TAOK1: variants seen among roughly 807,000 people sequenced by gnomAD.
TAOK1 encodes TAO kinase 1, also known as serine/threonine-protein kinase TAO1.
Under a neutral mutation model 138.3 loss-of-function variants are expected in TAOK1, and 21 were observed. The ratio of observed to expected loss-of-function variants is 0.15; its 90% CI spans 0.11 to 0.22. TAOK1 has a LOEUF of 0.22. TAOK1 is among the 10% of genes least tolerant of loss of function. TAOK1 has a pLI of 1.00. For synonymous variants in TAOK1, 361 were observed against 398.4 expected (o/e 0.91, Z 1.12); for missense variants, 651 against 1,227.7 (o/e 0.53, Z 7.02).
chr17:29,542,397 AT>A (rs1012570116), intron 19 of TAOK1, among the ~76,000 whole-genome samples, 163 bp from the exon 20 acceptor site: 1 of 152,220 alleles, frequency 6.6e-6, no homozygotes, highest in African/African-American at 2.4e-5. Flanking sequence ...AACTTTAAAA[AT>A]TTTTTAATAA....
chr17:29,503,394 T>TTAA (rs2031568778), intron 13 of TAOK1, among the ~76,000 whole-genome samples: 1 of 25,402 alleles, frequency 3.9e-5, no homozygotes, highest in African/African-American at 2.1e-4. Flanking sequence ...AGACTCTGTC[T>TTAA]CAAAAAAAAA....
intron 2 of TAOK1, among the ~76,000 whole-genome samples, chr17:29,462,079 G>A (rs2030544349): frequency 6.6e-6 from 1 of 152,202 alleles, no homozygotes; most frequent in Non-Finnish European, 1.5e-5. Flanking sequence ...GAAATGTGCA[G>A]TGTTTGTTTA....
intron 3 of TAOK1, among the ~76,000 whole-genome samples, chr17:29,469,668 T>C (rs945394255): frequency 1.3e-5 from 2 of 152,200 alleles, no homozygotes; most frequent in African/African-American, 4.8e-5. Context: ...AAATATTCCA[T>C]TGGGTGTATG....
chr17:29,482,372 AT>A, intron 8 of TAOK1, 84 bp downstream of exon 8: 2 of 1,091,460 alleles, frequency 1.8e-6, no homozygotes, highest in African/African-American at 1.6e-5. Flanking sequence ...AAAATTATAG[AT>A]TTTTATCTTA....
At chr17:29,484,679 A>G (rs1224288507) in intron 8 of TAOK1, among the ~76,000 whole-genome samples, 5 of 152,016 alleles carry the variant, frequency 3.3e-5, no homozygotes, top group Non-Finnish European at 7.4e-5. Context: ...ATCTTGGCTC[A>G]CTGCAACCTC....
At chr17:29,460,441 C>T (rs762947098) in intron 2 of TAOK1, among the ~76,000 whole-genome samples, 6 of 152,162 alleles carry the variant, frequency 3.9e-5, no homozygotes, top group Non-Finnish European at 5.9e-5. Context: ...CCACCCGCCT[C>T]GGCCTCCCAA....
At chr17:29,482,336 T>C (rs751836582) in intron 8 of TAOK1, 48 bp downstream of exon 8, 1 of 1,412,456 alleles carries the variant, frequency 7.1e-7, no homozygotes, top group Admixed American at 1.8e-5. Flanking sequence ...ATCAATGTTT[T>C]ACCTCAATTT....
At chr17:29,460,238 C>G (rs561069043) in intron 2 of TAOK1, among the ~76,000 whole-genome samples, 1 of 152,326 alleles carries the variant, frequency 6.6e-6, no homozygotes, top group South Asian at 2.1e-4. Flanking sequence ...GTCACCCAGA[C>G]TAGAGTGCAG....
chr17:29,532,764 A>T (rs1161575864), intron 18 of TAOK1, among the ~76,000 whole-genome samples: 1 of 151,992 alleles, frequency 6.6e-6, no homozygotes, highest in East Asian at 1.9e-4. Context: ...CAGACACGGC[A>T]ACCATCCGAT....
intron 1 of TAOK1, among the ~76,000 whole-genome samples, chr17:29,408,721 T>A (rs867548525): frequency 2.6e-5 from 4 of 151,934 alleles, no homozygotes; most frequent in Admixed American, 6.6e-5. Flanking sequence ...CTTTTTTTTT[T>A]ATTTTTTTGG....
intron 2 of TAOK1, among the ~76,000 whole-genome samples, chr17:29,462,001 A>G (rs1456441173): frequency 6.6e-6 from 1 of 152,182 alleles, no homozygotes; most frequent in Non-Finnish European, 1.5e-5. Context: ...ATTTTGTGGT[A>G]TCAGAGAAAC....
At chr17:29,441,858 C>T (rs182893989) in intron 1 of TAOK1, among the ~76,000 whole-genome samples, 1 of 151,964 alleles carries the variant, frequency 6.6e-6, no homozygotes, top group Admixed American at 6.6e-5. Context: ...AGGTCGCCGC[C>T]TCTGCACTCC....
intron 11 of TAOK1, 106 bp downstream of exon 11, chr17:29,495,833 T>C: frequency 9.9e-7 from 1 of 1,006,550 alleles, no homozygotes; most frequent in Non-Finnish European, 1.4e-6. Flanking sequence ...GGTTTCCAGG[T>C]TGTATTTTCT....
intron 7 of TAOK1, 52 bp downstream of exon 7, chr17:29,480,533 A>G: frequency 2.8e-6 from 4 of 1,451,654 alleles, no homozygotes; most frequent in Non-Finnish European, 3.8e-6. Flanking sequence ...GTCTATGTTT[A>G]ACATGAAATA....
intron 3 of TAOK1, among the ~76,000 whole-genome samples, chr17:29,470,226 G>A (rs747571796): frequency 1.1e-4 from 17 of 152,272 alleles, no homozygotes; most frequent in Non-Finnish European, 1.9e-4. Flanking sequence ...TGTGGCCTAA[G>A]TATTTAAGGT....
intron 11 of TAOK1, among the ~76,000 whole-genome samples, chr17:29,496,387 G>A (rs1390457562): frequency 1.3e-5 from 2 of 152,016 alleles, no homozygotes; most frequent in Admixed American, 1.3e-4. Context: ...CAAAGTGCTG[G>A]GATTACAGGC....
chr17:29,484,958 T>C (rs1031560197), intron 8 of TAOK1, among the ~76,000 whole-genome samples: 11 of 152,194 alleles, frequency 7.2e-5, no homozygotes, highest in Non-Finnish European at 1.6e-4. Context: ...TTTTCTACTT[T>C]GGAAGAGTTA....
chr17:29,443,784 G>T (rs973499787), intron 1 of TAOK1, among the ~76,000 whole-genome samples: 2 of 152,094 alleles, frequency 1.3e-5, no homozygotes, highest in Non-Finnish European at 2.9e-5. Flanking sequence ...CTGTTTCATA[G>T]TACCTTTAAA....
At chr17:29,417,496 C>T (rs983809826) in intron 1 of TAOK1, among the ~76,000 whole-genome samples, 20 of 152,298 alleles carry the variant, frequency 1.3e-4, no homozygotes, top group Admixed American at 9.8e-4. Context: ...CATTACAACA[C>T]TTCAGTCCAG....
Sources: allele counts gnomAD v4.1 joint callset (sites outside exome capture counted in the v4.1 genomes callset), GRCh38; gene constraint gnomAD v4.1.1; transcripts MANE v1.5; gene names NCBI Gene and HGNC (gene_info 2026-07-23, HGNC 2026-07-21).